Variants in FBP2 observed in about 807,000 individuals in gnomAD.
FBP2 encodes fructose-1,6-bisphosphatase isozyme 2.
FBP2 carries 27 observed loss-of-function variants against 31.6 expected under a neutral mutation model. The observed-to-expected ratio is 0.85, with a 90% CI of 0.63 to 1.18. FBP2 has a LOEUF of 1.18. Ranked by LOEUF, FBP2 falls within the 50% of genes most tolerant of loss-of-function variation. FBP2 has a pLI of 0.00. For missense variants in FBP2, 421 were observed against 436.1 expected (o/e 0.97, Z 0.31); for synonymous variants, 168 against 179.8 (o/e 0.93, Z 0.53).
intron 3 of FBP2, among the ~76,000 whole-genome samples, 154 bp downstream of exon 3, chr9:94,584,423 C>G (rs1480926023): frequency 6.6e-6 from 1 of 152,162 alleles, no homozygotes; most frequent in Non-Finnish European, 1.5e-5. Flanking sequence ...TAATGAGGAG[C>G]CCCAGGCAGA....
intron 3 of FBP2, among the ~76,000 whole-genome samples, chr9:94,580,429 C>G (rs985300871): frequency 9.9e-5 from 15 of 152,148 alleles, no homozygotes; most frequent in African/African-American, 2.9e-4. Flanking sequence ...GTTGGCCAGG[C>G]TGGTCTTGAA....
At chr9:94,590,290 A>G (rs1224398343) in intron 1 of FBP2, among the ~76,000 whole-genome samples, 2 of 152,240 alleles carry the variant, frequency 1.3e-5, no homozygotes, top group Non-Finnish European at 1.5e-5. Context: ...GCCATGAGAA[A>G]GCCAAGGAGA....
At chr9:94,572,621 G>A (rs1472651597) in intron 3 of FBP2, among the ~76,000 whole-genome samples, 1 of 152,026 alleles carries the variant, frequency 6.6e-6, no homozygotes. Flanking sequence ...CAACTTGGTG[G>A]CAAGTACCAA....
At chr9:94,563,988 G>C (rs1827148563) in intron 5 of FBP2, among the ~76,000 whole-genome samples, 1 of 152,144 alleles carries the variant, frequency 6.6e-6, no homozygotes, top group South Asian at 2.1e-4. Flanking sequence ...GATTCATAAA[G>C]CAAGTCCTTA....
chr9:94,561,197 T>A (rs1443367540), intron 6 of FBP2, among the ~76,000 whole-genome samples: 1 of 152,070 alleles, frequency 6.6e-6, no homozygotes, highest in Non-Finnish European at 1.5e-5. Flanking sequence ...ACTACTTTAA[T>A]CAAAAAAAGC....
intron 1 of FBP2, among the ~76,000 whole-genome samples, chr9:94,590,431 G>A (rs940404678): frequency 5.2e-5 from 7 of 134,926 alleles, no homozygotes; most frequent in African/African-American, 2.0e-4. Flanking sequence ...CCCAAAAGGA[G>A]CCAGGGGCTT....
chr9:94,590,142 A>G (rs1317434679), intron 1 of FBP2, among the ~76,000 whole-genome samples: 1 of 151,958 alleles, frequency 6.6e-6, no homozygotes, highest in Non-Finnish European at 1.5e-5. Flanking sequence ...GAAACTCACC[A>G]GGAGATGTGA....
chr9:94,567,441 G>C (rs1156601459), intron 4 of FBP2, 34 bp from the exon 5 acceptor site: 1 of 1,574,336 alleles, frequency 6.4e-7, no homozygotes, highest in East Asian at 2.3e-5. Context: ...AGGAAGAAGA[G>C]AGAAGCCAGG....
At chr9:94,580,597 T>C (rs1211796546) in intron 3 of FBP2, among the ~76,000 whole-genome samples, 1 of 152,256 alleles carries the variant, frequency 6.6e-6, no homozygotes, top group Non-Finnish European at 1.5e-5. Context: ...AGTTCTGTTT[T>C]AATCAATTGT....
chr9:94,591,541 A>C (rs1023655307), intron 1 of FBP2, among the ~76,000 whole-genome samples: 6 of 152,214 alleles, frequency 3.9e-5, no homozygotes, highest in African/African-American at 1.2e-4. Flanking sequence ...CACCTCCCTG[A>C]AAGCTGAGGG....
At chr9:94,573,024 C>G (rs1396629823) in intron 3 of FBP2, 1 of 152,150 alleles carries the variant, frequency 6.6e-6, no homozygotes. Flanking sequence ...TCTGCAAGAA[C>G]AGTGTTATTA....
intron 5 of FBP2, among the ~76,000 whole-genome samples, chr9:94,566,315 C>T (rs764247357): frequency 3.9e-5 from 6 of 152,092 alleles, no homozygotes; most frequent in African/African-American, 9.7e-5. Context: ...TTGGGTTTAC[C>T]GGAATGAGGG....
At chr9:94,593,448 C>CA in intron 1 of FBP2, 109 bp downstream of exon 1, 1 of 1,012,616 alleles carries the variant, frequency 9.9e-7, no homozygotes, top group Non-Finnish European at 1.4e-6. Flanking sequence ...CTAGGGCACA[C>CA]AGGGCCAATA....
chr9:94,561,826 T>TA (rs774830441), intron 6 of FBP2, among the ~76,000 whole-genome samples: 4 of 152,090 alleles, frequency 2.6e-5, no homozygotes, highest in Admixed American at 1.3e-4. Flanking sequence ...CAACAGAACT[T>TA]TCAGTATGGG....
intron 4 of FBP2, chr9:94,568,331 C>G (rs1035675245): frequency 2.0e-5 from 3 of 152,170 alleles, no homozygotes; most frequent in Non-Finnish European, 1.5e-5. Context: ...TGCCCAGTCC[C>G]TCTCCACAAC....
At chr9:94,567,455 C>CAG (rs3990918) in intron 4 of FBP2, 48 bp from the exon 5 acceptor site, 728,395 of 1,607,054 alleles carry the variant, frequency 0.45, 169,115 homozygotes, top group East Asian at 0.62. Context: ...AGCCAGGAAA[C>CAG]AAGCCAACCG....
At chr9:94,573,036 C>T (rs1266601943) in intron 3 of FBP2, 1 of 152,116 alleles carries the variant, frequency 6.6e-6, no homozygotes, top group African/African-American at 2.4e-5. Context: ...GTGTTATTAC[C>T]TGCTTTCCAA....
chr9:94,588,065 A>T (rs1320614711), intron 1 of FBP2, among the ~76,000 whole-genome samples: 1 of 151,872 alleles, frequency 6.6e-6, no homozygotes, highest in Non-Finnish European at 1.5e-5. Flanking sequence ...GTTAGCCAGG[A>T]TGGTCTTGAT....
At chr9:94,588,155 C>G (rs1827449987) in intron 1 of FBP2, among the ~76,000 whole-genome samples, 1 of 152,072 alleles carries the variant, frequency 6.6e-6, no homozygotes, top group Admixed American at 6.5e-5. Flanking sequence ...CCGGCCAAGC[C>G]CTGGAATTTC....
Sources: allele counts gnomAD v4.1 joint callset (sites outside exome capture counted in the v4.1 genomes callset), GRCh38; gene constraint gnomAD v4.1.1; transcripts MANE v1.5; gene names NCBI Gene and HGNC (gene_info 2026-07-23, HGNC 2026-07-21).